The following RPS6KC1 variants were observed in gnomAD, a reference collection of about 807,000 sequenced individuals.
The protein encoded by RPS6KC1 is ribosomal protein S6 kinase C1.
RPS6KC1 carries 54 observed loss-of-function variants against 103.8 expected under a neutral mutation model. That is an observed-to-expected ratio of 0.52 (90% CI 0.42 to 0.65). RPS6KC1 has a LOEUF of 0.65. Ranked by LOEUF, RPS6KC1 falls within the 30% of genes least tolerant of loss-of-function variation. The probability of loss-of-function intolerance (pLI) is 0.00; values close to 1 mark genes in which losing one functional copy is unlikely to be tolerated. For synonymous variants in RPS6KC1, 439 were observed against 438.7 expected, an observed-to-expected ratio of 1.00 and a Z score of -0.01; for missense variants, 1,151 against 1,253.8, an observed-to-expected ratio of 0.92 and a Z score of 1.24.
At chr1:213,509,429 T>A in the RPS6KC1 span, among the ~76,000 whole-genome samples, 1 of 152,220 alleles carries the variant, frequency 6.6e-6, no homozygotes, top group South Asian at 2.1e-4. Flanking sequence ...CATTTGTACA[T>A]ATTAAATTAG....
the RPS6KC1 span, among the ~76,000 whole-genome samples, chr1:213,845,590 T>C: frequency 1.3e-5 from 2 of 152,214 alleles, no homozygotes; most frequent in Admixed American, 6.5e-5. Flanking sequence ...TAATACTATG[T>C]AACATTTTGG....
chr1:213,589,573 T>G, the RPS6KC1 span, among the ~76,000 whole-genome samples: 2 of 146,946 alleles, frequency 1.4e-5, no homozygotes, highest in Non-Finnish European at 3.0e-5. Context: ...ACCTGGGAGG[T>G]GGAGGTTGCA....
At chr1:213,662,604 T>G in the RPS6KC1 span, among the ~76,000 whole-genome samples, 1 of 152,070 alleles carries the variant, frequency 6.6e-6, no homozygotes, top group East Asian at 1.9e-4. Flanking sequence ...AAAGCATGAC[T>G]TTAATCATAG....
chr1:213,655,641 A>G, the RPS6KC1 span, among the ~76,000 whole-genome samples: 1 of 152,314 alleles, frequency 6.6e-6, no homozygotes, highest in Non-Finnish European at 1.5e-5. Context: ...AGTTGTATCT[A>G]TAACAGAAAC....
the RPS6KC1 span, among the ~76,000 whole-genome samples, chr1:213,598,744 C>A: frequency 6.6e-6 from 1 of 151,980 alleles, no homozygotes; most frequent in Admixed American, 6.6e-5. Context: ...ATGATGAAAC[C>A]CCGTCTCTAC....
chr1:213,526,942 T>C, the RPS6KC1 span, among the ~76,000 whole-genome samples: 1 of 152,230 alleles, frequency 6.6e-6, no homozygotes, highest in Non-Finnish European at 1.5e-5. Flanking sequence ...AATTCTATGA[T>C]ATCCTGAGGT....
chr1:213,526,294 G>A, the RPS6KC1 span, among the ~76,000 whole-genome samples: 1 of 152,190 alleles, frequency 6.6e-6, no homozygotes, highest in Non-Finnish European at 1.5e-5. Context: ...ACAGATTTGA[G>A]CACATGTGAT....
At chr1:213,496,161 G>A in the RPS6KC1 span, among the ~76,000 whole-genome samples, 1 of 151,478 alleles carries the variant, frequency 6.6e-6, no homozygotes, top group African/African-American at 2.4e-5. Flanking sequence ...ACAAATATTA[G>A]AAAATAAAGA....
intron 14 of RPS6KC1, among the ~76,000 whole-genome samples, chr1:213,265,244 A>G (rs562051171): frequency 1.3e-5 from 2 of 152,338 alleles, no homozygotes; most frequent in African/African-American, 2.4e-5. Flanking sequence ...ATGGCAGAAT[A>G]AGCAAGATAG....
intron 8 of RPS6KC1, among the ~76,000 whole-genome samples, chr1:213,209,536 A>G (rs1008453187): frequency 4.6e-5 from 7 of 151,798 alleles, no homozygotes; most frequent in African/African-American, 1.5e-4. Context: ...TTTCTACTAA[A>G]AATACAAAAT....
At chr1:213,363,700 TTC>T in the RPS6KC1 span, among the ~76,000 whole-genome samples, 1 of 83,114 alleles carries the variant, frequency 1.2e-5, no homozygotes, top group Non-Finnish European at 2.3e-5. Context: ...CTTTCTTTCT[TTC>T]CTTCTTTCTT....
chr1:213,553,825 C>A, the RPS6KC1 span, among the ~76,000 whole-genome samples: 1 of 152,026 alleles, frequency 6.6e-6, no homozygotes, highest in African/African-American at 2.4e-5. Context: ...GTGTGTATAA[C>A]TTCTTTTGGA....
At position 213,257,786 on chromosome 1, in the gene RPS6KC1, C is replaced by CTTT. The variant is rs71147062; in HGVS notation, c.2912-3739_2912-3737dup. The stretch of plus-strand genomic sequence containing the variant: ...GATCTTGAATTGTAAACAGGTAAAA[C>CTTT]TTTTTTTTTTTTTTTTTTTTTTTTT... On this transcript the variant is annotated intron_variant, in intron 12 of 14. Coordinates refer to ENST00000366960, the MANE Select transcript of RPS6KC1 (RefSeq NM_012424.6). 3.8e-4 allele frequency among the ~76,000 whole-genome samples: 19 copies of CTTT among 49,422 alleles called. 1 individual carries two copies. Among genetic ancestry groups the CTTT allele is most frequent in the African/African-American group, 9.3e-4 (12 of 12,884 alleles). The allele number at this position is 49,422 out of a possible 152,430, so 32.4% of individuals were successfully genotyped here.
At chr1:213,315,575 C>A in the RPS6KC1 span, among the ~76,000 whole-genome samples, 1 of 152,142 alleles carries the variant, frequency 6.6e-6, no homozygotes, top group Non-Finnish European at 1.5e-5. Context: ...GCAAATAGTC[C>A]TGGTATATTT....
chr1:213,110,332 C>CT (rs763481092), intron 4 of RPS6KC1, among the ~76,000 whole-genome samples: 13 of 152,080 alleles, frequency 8.5e-5, no homozygotes, highest in Non-Finnish European at 1.3e-4. Flanking sequence ...CGATAGAACT[C>CT]TAAGTTCTGA....
chr1:213,813,930 C>T, the RPS6KC1 span, among the ~76,000 whole-genome samples: 1 of 152,202 alleles, frequency 6.6e-6, no homozygotes, highest in Non-Finnish European at 1.5e-5. Context: ...TTGTATGAGC[C>T]TAAACCTCAC....
At chr1:213,764,965 G>A in the RPS6KC1 span, among the ~76,000 whole-genome samples, 1 of 152,258 alleles carries the variant, frequency 6.6e-6, no homozygotes, top group African/African-American at 2.4e-5. Flanking sequence ...GGGGTGGGGT[G>A]TCTCTCTCAC....
chr1:213,535,519 C>T, the RPS6KC1 span, among the ~76,000 whole-genome samples: 2 of 152,170 alleles, frequency 1.3e-5, no homozygotes, highest in Non-Finnish European at 2.9e-5. Flanking sequence ...GTGGCTTGTC[C>T]TCAGTGCAGT....
At chr1:213,564,736 C>G in the RPS6KC1 span, among the ~76,000 whole-genome samples, 1 of 152,134 alleles carries the variant, frequency 6.6e-6, no homozygotes, top group African/African-American at 2.4e-5. Context: ...TTCTCTCAGC[C>G]CAAAGGTTAG....
Sources: gnomAD v4.1 joint callset for allele counts (sites outside exome capture counted in the v4.1 genomes callset) on GRCh38, gnomAD v4.1.1 for gene constraint, MANE v1.5 for transcripts, NCBI Gene and HGNC (gene_info 2026-07-23, HGNC 2026-07-21) for gene names.